PCDHGA1: variants seen among roughly 807,000 people sequenced by gnomAD.
The protein encoded by PCDHGA1 is protocadherin gamma subfamily A, 1, also known as protocadherin gamma-A1.
In PCDHGA1, 32 loss-of-function variants were observed where a neutral mutation model predicts 58.0. The ratio of observed to expected loss-of-function variants is 0.55; its 90% CI spans 0.42 to 0.74. PCDHGA1 has a LOEUF of 0.74. PCDHGA1 is among the 30% of genes least tolerant of loss of function. The pLI, the probability that PCDHGA1 is intolerant of heterozygous loss-of-function variation, is 0.00. For missense variants in PCDHGA1, 1,205 were observed against 1,182.3 expected, an observed-to-expected ratio of 1.02 and a Z score of -0.28; for synonymous variants, 498 against 501.1, an observed-to-expected ratio of 0.99 and a Z score of 0.08.
chr5:141,346,644 T>A (rs1757786781), intron 1 of PCDHGA1: 2 of 851,514 alleles, frequency 2.3e-6, no homozygotes, highest in South Asian at 3.8e-5. Flanking sequence ...TATGGTTGAG[T>A]GGGCTTAGGG....
intron 2 of PCDHGA1, 40 bp from the exon 3 acceptor site, chr5:141,505,353 G>T (rs376781305): frequency 1.7e-5 from 27 of 1,613,426 alleles, no homozygotes; most frequent in Non-Finnish European, 2.0e-5. Flanking sequence ...GAGCTGTGCC[G>T]GCCTGGGAGT....
chr5:141,366,754 T>G (rs752520997), intron 1 of PCDHGA1: 1 of 1,607,154 alleles, frequency 6.2e-7, no homozygotes. Context: ...GAGTTCAGGT[T>G]AGTTTTCTCT....
rs759226115 is a variant in PCDHGA1 at position 141,405,385 on chromosome 5, A to AT, written c.2421+72288dup. 3.1e-5 allele frequency: 49 copies of AT among 1,599,976 alleles called. 1 individual carries two copies. The highest frequency in any genetic ancestry group is 2.8e-4 in the Admixed American group (16 of 56,782). On this transcript the variant is annotated intron_variant, in intron 1 of 3. Coordinates refer to ENST00000517417, the MANE Select transcript of PCDHGA1 (RefSeq NM_018912.3). ...ACACCCCTTTGGTTCCGGTGAGTTC[A>AT]TTTTTTTTCTTTCTTTCTTTTCTTT...
intron 1 of PCDHGA1, chr5:141,408,241 G>A: frequency 1.3e-6 from 2 of 1,580,050 alleles, no homozygotes; most frequent in Non-Finnish European, 1.7e-6. Flanking sequence ...GGGCCGGCCC[G>A]CGGCAGGTGC....
intron 1 of PCDHGA1, chr5:141,374,825 C>A (rs11575953): frequency 0.017 from 27,610 of 1,613,884 alleles, 291 homozygotes; most frequent in African/African-American, 0.03. Context: ...GCCTGTCTAC[C>A]GTGTAAGTGT....
rs1328871348 is a variant in PCDHGA1 at position 141,361,436 on chromosome 5, C to T, written c.2421+28331C>T. ...GACGGGGGCAAGCCGCCCCTCTCCTCCAGCATAATTGTCACCCTGCACATC... is the reference window on the plus strand; with the variant it reads ...GACGGGGGCAAGCCGCCCCTCTCCTTCAGCATAATTGTCACCCTGCACATC... On this transcript the variant is annotated intron_variant, in intron 1 of 3. Transcript: ENST00000517417. 5 of 1,613,930 alleles carry T rather than the reference C, an allele frequency of 3.1e-6. No individual in the cohort carries two copies. In the South Asian group the frequency reaches 5.5e-5, roughly 18 times the overall value.
chr5:141,442,675 G>A (rs1381554808), intron 1 of PCDHGA1, among the ~76,000 whole-genome samples: 1 of 152,248 alleles, frequency 6.6e-6, no homozygotes, highest in Admixed American at 6.5e-5. Context: ...GTGAGCTTGA[G>A]GGACAGTAGT....
At chr5:141,361,113 T>C (rs773447927) in intron 1 of PCDHGA1, 2 of 1,613,996 alleles carry the variant, frequency 1.2e-6, no homozygotes, top group East Asian at 2.2e-5. Flanking sequence ...ATCCTGGAGA[T>C]CTAGCAGCCC....
At position 141,505,425 on chromosome 5, in the gene PCDHGA1, C is replaced by G; in HGVS notation, c.2513C>G (p.Pro838Arg). 1 of 1,614,178 alleles carries G rather than the reference C, an allele frequency of 6.2e-7. No individual in the cohort carries two copies. Among genetic ancestry groups the G allele is most frequent in the Non-Finnish European group, 8.5e-7 (1 of 1,180,014 alleles). ...SQNGDDTGTW[P>R]NNQFDTEMLQ... ...AATGGCGATGACACCGGCACCTGGC[C>G]CAACAACCAGTTTGACACAGAGATG... The change falls in exon 3 of 4, where the codon CCC becomes CGC. Residue 838 changes from proline to arginine, a missense_variant. Transcript: ENST00000517417.
chr5:141,421,895 G>A, intron 1 of PCDHGA1: 1 of 1,613,730 alleles, frequency 6.2e-7, no homozygotes, highest in African/African-American at 1.3e-5. Flanking sequence ...GATCCCATCC[G>A]AAAGGGCGCA....
intron 1 of PCDHGA1, among the ~76,000 whole-genome samples, chr5:141,483,646 GTT>G (rs2099584256): frequency 6.8e-6 from 1 of 146,706 alleles, no homozygotes; most frequent in Admixed American, 6.7e-5. Flanking sequence ...AGGGGTGTGT[GTT>G]TGTGTGTGTG....
At chr5:141,464,156 T>C (rs2099077051) in intron 1 of PCDHGA1, among the ~76,000 whole-genome samples, 2 of 151,752 alleles carry the variant, frequency 1.3e-5, no homozygotes, top group Non-Finnish European at 1.5e-5. Context: ...TCCCAGCTAC[T>C]TGGAAGGCTG....
chr5:141,345,001 A>G (rs1757502442), intron 1 of PCDHGA1: 2 of 1,613,904 alleles, frequency 1.2e-6, no homozygotes, highest in African/African-American at 2.7e-5. Flanking sequence ...GAAGCACAGG[A>G]TGGACCAGGT....
intron 1 of PCDHGA1, chr5:141,374,638 A>C (rs931155259): frequency 4.3e-6 from 7 of 1,612,946 alleles, no homozygotes; most frequent in Admixed American, 1.7e-5. Context: ...TGCAAAGCGA[A>C]GCCCATGGGC....
Position 141,431,709 on chromosome 5 carries a change from T to G in PCDHGA1, c.2422-63098T>G, listed in dbSNP as rs1561854893. ...CACGAGGAGTCAGGATTCTACCAGA[T>G]GGAAGTGCAAGCAATGGATAATGCA... On this transcript the variant is annotated intron_variant, in intron 1 of 3. Coordinates refer to ENST00000517417, the MANE Select transcript of PCDHGA1 (RefSeq NM_018912.3). The surrounding 1 kb of genome is among the most constrained non-coding windows in gnomAD (Gnocchi z 4.8). The G allele has an allele frequency of 6.2e-7, 1 of 1,614,168 alleles. No individual in the cohort carries two copies. Among genetic ancestry groups the G allele is most frequent in the Middle Eastern group, 1.6e-4 (1 of 6,062 alleles).
rs1049831420 is a variant in PCDHGA1 at position 141,486,549 on chromosome 5, C to T, written c.2422-8258C>T. ...AATCCACCCTCTTTCTTTCAGAGGTCACATGAGGTGTTTGTTCCTGAGAAC... is the reference window on the plus strand; with the variant it reads ...AATCCACCCTCTTTCTTTCAGAGGTTACATGAGGTGTTTGTTCCTGAGAAC... On this transcript the variant is annotated intron_variant, in intron 1 of 3. Coordinates refer to ENST00000517417, the MANE Select transcript of PCDHGA1 (RefSeq NM_018912.3). This position sits in a 1 kb window ranked among gnomAD's most constrained non-coding sequence, Gnocchi z 5.0. The T allele has an allele frequency of 3.1e-6, 5 of 1,613,982 alleles. No individual in the cohort carries two copies. In the African/African-American group the frequency reaches 4.0e-5, roughly 13 times the overall value.
At chr5:141,394,948 T>C (rs753376472) in intron 1 of PCDHGA1, 1 of 1,613,884 alleles carries the variant, frequency 6.2e-7, no homozygotes, top group Admixed American at 1.7e-5. Context: ...GCTGTGCTTC[T>C]GGGGCTCAGG....
chr5:141,371,999 C>T (rs1243800762), intron 1 of PCDHGA1: 33 of 1,613,154 alleles, frequency 2.0e-5, no homozygotes, highest in Non-Finnish European at 2.8e-5. Flanking sequence ...TGCAGGCCCG[C>T]GACCAGGGCT....
At chr5:141,496,808 G>A (rs1387209844) in intron 2 of PCDHGA1, among the ~76,000 whole-genome samples, 3 of 151,736 alleles carry the variant, frequency 2.0e-5, no homozygotes, top group South Asian at 4.2e-4. Flanking sequence ...GGCTATAGGA[G>A]TGAACAAGTA....
Sources: gnomAD v4.1 joint callset for allele counts (sites outside exome capture counted in the v4.1 genomes callset) on GRCh38, gnomAD v4.1.1 for gene constraint, Gnocchi (gnomAD v3.1) non-coding constraint, MANE v1.5 for transcripts, NCBI Gene and HGNC (gene_info 2026-07-23, HGNC 2026-07-21) for gene names.